The following WDPCP variants were observed in gnomAD, a reference collection of about 807,000 sequenced individuals.
The protein encoded by WDPCP is WD repeat-containing and planar cell polarity effector protein fritz homolog.
In WDPCP, 71 loss-of-function variants were observed where a neutral mutation model predicts 93.1. The ratio of observed to expected loss-of-function variants is 0.76; its 90% CI spans 0.63 to 0.93. WDPCP has a LOEUF of 0.93. Among genes scored for constraint, WDPCP ranks in the 40% least tolerant of loss-of-function variants. WDPCP has a pLI of 0.00. For synonymous variants in WDPCP, 315 were observed against 315.0 expected, an observed-to-expected ratio of 1.00 and a Z score of 0.00; for missense variants, 844 against 887.4, an observed-to-expected ratio of 0.95 and a Z score of 0.62.
chr2:63,564,542 T>C (rs1244430173), intron 1 of WDPCP: 1 of 152,206 alleles, frequency 6.6e-6, no homozygotes, highest in East Asian at 1.9e-4. Context: ...GTGAGTTTTC[T>C]TGTTTCTGTC....
chr2:63,550,776 T>C (rs536466583), intron 1 of WDPCP, among the ~76,000 whole-genome samples: 6 of 97,814 alleles, frequency 6.1e-5, no homozygotes, highest in African/African-American at 2.8e-4. Flanking sequence ...TATATGTGCA[T>C]ATGTACATAT....
chr2:63,487,101 A>G (rs897546288), intron 3 of WDPCP, among the ~76,000 whole-genome samples: 20 of 152,024 alleles, frequency 1.3e-4, no homozygotes, highest in African/African-American at 4.3e-4. Flanking sequence ...CCTATTTCAG[A>G]TATCAGGTGA....
intron 12 of WDPCP, among the ~76,000 whole-genome samples, chr2:63,322,134 T>G (rs887171688): frequency 6.6e-6 from 1 of 152,108 alleles, no homozygotes; most frequent in East Asian, 1.9e-4. Context: ...CTTGGAGAAC[T>G]TTTCTGTCTA....
intron 2 of WDPCP, among the ~76,000 whole-genome samples, chr2:63,801,469 G>A (rs898085610): frequency 6.6e-6 from 1 of 152,118 alleles, no homozygotes; most frequent in Admixed American, 6.5e-5. Flanking sequence ...AAAGAACAAA[G>A]CTCCCACAGC....
At chr2:63,254,769 C>CT (rs1232544408) in intron 14 of WDPCP, among the ~76,000 whole-genome samples, 4 of 152,082 alleles carry the variant, frequency 2.6e-5, no homozygotes, top group Admixed American at 2.6e-4. Flanking sequence ...CAAATGTATC[C>CT]TTTCTAGATG....
intron 3 of WDPCP, chr2:63,597,896 A>T (rs938884198): frequency 6.0e-6 from 1 of 165,972 alleles, no homozygotes; most frequent in African/African-American, 2.4e-5. Flanking sequence ...TAGACATTTA[A>T]ATTTGTGTGT....
At chr2:63,226,525 A>C (rs987625268) in intron 14 of WDPCP, among the ~76,000 whole-genome samples, 1 of 151,900 alleles carries the variant, frequency 6.6e-6, no homozygotes, top group Non-Finnish European at 1.5e-5. Context: ...TCGAATAAAC[A>C]GAAGAAAGGT....
At chr2:63,307,126 C>A (rs1031283496) in intron 13 of WDPCP, among the ~76,000 whole-genome samples, 1 of 152,166 alleles carries the variant, frequency 6.6e-6, no homozygotes. Context: ...CATGAGTGAA[C>A]TCCCATTCAT....
rs1710184817 is a variant in WDPCP at position 63,657,685 on chromosome 2, C to T, written n.309-6847G>A. On this transcript the variant is annotated intron_variant and non_coding_transcript_variant, in intron 2 of 4. Coordinates refer to the WDPCP transcript ENST00000467687. ...GAGATATACTGGCATTTCCCACTTA[C>T]TGTCATTAATTTGTTCCTGAAAACA... Among the ~76,000 whole-genome samples, 3 of 152,156 alleles carry T rather than the reference C, an allele frequency of 2.0e-5. No individual in the cohort carries two copies. In the South Asian group the frequency reaches 6.2e-4, roughly 32 times the overall value.
chr2:63,485,125 G>A (rs1048955334), intron 4 of WDPCP, 138 bp from the exon 5 acceptor site: 9 of 855,202 alleles, frequency 1.1e-5, no homozygotes, highest in African/African-American at 3.4e-5. Context: ...ATCATCAAAT[G>A]ACAGCCTTAT....
chr2:63,302,325 G>C (rs192922047), intron 13 of WDPCP, among the ~76,000 whole-genome samples: 1 of 152,236 alleles, frequency 6.6e-6, no homozygotes, highest in Admixed American at 6.5e-5. Context: ...GGCCAAAAGA[G>C]AAAAGAGAAA....
At chr2:63,832,428 G>GT (rs759913760), upstream of WDPCP, among the ~76,000 whole-genome samples, 2 of 151,418 alleles carry the variant, frequency 1.3e-5, no homozygotes, top group Middle Eastern at 3.4e-3. Context: ...AGGTGTTGGG[G>GT]TGGGGGGGGG....
intron 2 of WDPCP, among the ~76,000 whole-genome samples, chr2:63,785,306 A>G (rs567294718): frequency 4.7e-4 from 72 of 152,224 alleles, no homozygotes; most frequent in African/African-American, 1.6e-3. Context: ...TCTTTTGTAC[A>G]CACCTAGGCT....
Position 63,490,011 on chromosome 2 carries a change from A to C in WDPCP, c.161-2517T>G, listed in dbSNP as rs547125133. 2.1e-3 allele frequency among the ~76,000 whole-genome samples: 323 copies of C among 152,060 alleles called. 3 individuals are homozygous for C. The highest frequency in any genetic ancestry group is 2.7e-3 in the Non-Finnish European group (186 of 67,968). On this transcript the variant is annotated intron_variant, in intron 2 of 17. Transcript: ENST00000272321. ...GCATTGAAATGCATAACCTGAATCT[A>C]ATTGTGAGGAAATTTCAAATATAAC...
At chr2:63,797,456 C>A (rs1408998949) in intron 2 of WDPCP, among the ~76,000 whole-genome samples, 1 of 152,024 alleles carries the variant, frequency 6.6e-6, no homozygotes, top group Non-Finnish European at 1.5e-5. Context: ...GGGGAGCACA[C>A]TACCCTGAAG....
chr2:63,617,211 A>G (rs1709681400), intron 3 of WDPCP, among the ~76,000 whole-genome samples: 2 of 152,246 alleles, frequency 1.3e-5, no homozygotes, highest in South Asian at 4.1e-4. Context: ...TGGAGTGATA[A>G]TGTAGACCAG....
chr2:63,797,849 T>A (rs1172660004), intron 2 of WDPCP, among the ~76,000 whole-genome samples: 1 of 152,018 alleles, frequency 6.6e-6, no homozygotes, highest in African/African-American at 2.4e-5. Context: ...CAAGCAGATT[T>A]AACCTAAGGA....
intron 9 of WDPCP, among the ~76,000 whole-genome samples, chr2:63,413,345 ATC>A (rs1252874022): frequency 6.6e-6 from 1 of 152,228 alleles, no homozygotes; most frequent in African/African-American, 2.4e-5. Flanking sequence ...CTGGATCCTC[ATC>A]TCTCACCTTG....
intron 12 of WDPCP, among the ~76,000 whole-genome samples, chr2:63,333,813 T>C (rs777748792): frequency 6.6e-6 from 1 of 152,192 alleles, no homozygotes; most frequent in Admixed American, 6.5e-5. Context: ...TCATGGGCCA[T>C]GTTCACTCAT....
Sources: gnomAD v4.1 joint callset for allele counts (sites outside exome capture counted in the v4.1 genomes callset) on GRCh38, gnomAD v4.1.1 for gene constraint, MANE v1.5 for transcripts, NCBI Gene and HGNC (gene_info 2026-07-23, HGNC 2026-07-21) for gene names.